HK1: variants seen among roughly 807,000 people sequenced by gnomAD.
The protein encoded by HK1 is hexokinase 1.
In HK1, 28 loss-of-function variants were observed where a neutral mutation model predicts 91.6. The observed-to-expected ratio is 0.31, with a 90% confidence interval of 0.23 to 0.42. The LOEUF is 0.42. Ranked by LOEUF, HK1 falls within the 10% of genes least tolerant of loss-of-function variation. The probability of loss-of-function intolerance (pLI) is 1.00; values close to 1 mark genes in which losing one functional copy is unlikely to be tolerated. For missense variants in HK1, 770 were observed against 1,219.8 expected (o/e 0.63, Z 5.49); for synonymous variants, 430 against 468.1 (o/e 0.92, Z 1.05).
At chr10:69,285,614 T>A (rs775539720) in intron 2 of HK1, among the ~76,000 whole-genome samples, 1 of 152,124 alleles carries the variant, frequency 6.6e-6, no homozygotes. Context: ...TGTGCCAGAT[T>A]TGGGGGAAGG....
chr10:69,353,908 C>T (rs1022438196), intron 2 of HK1, among the ~76,000 whole-genome samples: 2 of 152,168 alleles, frequency 1.3e-5, no homozygotes, highest in African/African-American at 4.8e-5. Flanking sequence ...TGTAGGAACC[C>T]CGATTTATAG....
At chr10:69,310,682 G>A (rs1051275392) in intron 5 of HK1, among the ~76,000 whole-genome samples, 2 of 152,186 alleles carry the variant, frequency 1.3e-5, no homozygotes, top group African/African-American at 4.8e-5. Flanking sequence ...AGGAGATCCT[G>A]AGAACATGTG....
intron 7 of HK1, among the ~76,000 whole-genome samples, chr10:69,372,090 AAG>A (rs369840624): frequency 3.2e-4 from 48 of 152,342 alleles, no homozygotes; most frequent in African/African-American, 1.1e-3. Context: ...GCAGCAGGCA[AAG>A]AGAAATTGTG....
chr10:69,360,963 C>A (rs1219235053), intron 3 of HK1, among the ~76,000 whole-genome samples: 1 of 152,214 alleles, frequency 6.6e-6, no homozygotes, highest in Non-Finnish European at 1.5e-5. Flanking sequence ...AGGGTGTGCT[C>A]ACCGCAAGGT....
At chr10:69,342,620 G>C (rs1375874131) in intron 1 of HK1, among the ~76,000 whole-genome samples, 1 of 152,166 alleles carries the variant, frequency 6.6e-6, no homozygotes, top group Non-Finnish European at 1.5e-5. Flanking sequence ...CAAGGCTTTG[G>C]GCAGAGGCAT....
chr10:69,399,922 C>T (rs770208491), intron 17 of HK1, among the ~76,000 whole-genome samples: 3 of 152,104 alleles, frequency 2.0e-5, no homozygotes, highest in Non-Finnish European at 2.9e-5. Flanking sequence ...ACCTCATGGC[C>T]GTGGCTTGGG....
At chr10:69,371,939 G>A (rs1304139690) in intron 7 of HK1, among the ~76,000 whole-genome samples, 2 of 152,152 alleles carry the variant, frequency 1.3e-5, no homozygotes, top group African/African-American at 4.8e-5. Context: ...TTTCTCAGTT[G>A]TATTAGTCTG....
chr10:69,363,281 C>T (rs958665406), intron 3 of HK1, among the ~76,000 whole-genome samples: 4 of 152,268 alleles, frequency 2.6e-5, no homozygotes, highest in East Asian at 1.9e-4. Context: ...TATATATATA[C>T]GCTCAGGTTG....
intron 1 of HK1, 118 bp downstream of exon 1, chr10:69,319,128 T>G: frequency 8.3e-7 from 1 of 1,205,688 alleles, no homozygotes; most frequent in Non-Finnish European, 1.2e-6. Flanking sequence ...CAGCATCGAG[T>G]TGGACTGCAG....
chr10:69,308,004 A>AT (rs1846181487), intron 5 of HK1, among the ~76,000 whole-genome samples: 1 of 151,814 alleles, frequency 6.6e-6, no homozygotes, highest in African/African-American at 2.4e-5. Context: ...CGCCCAGCTA[A>AT]TTTTTTGTAT....
exon 3 of HK1, chr10:69,288,736 TC>T: frequency 6.2e-7 from 1 of 1,613,738 alleles, no homozygotes. Flanking sequence ...GCAAGTGCCC[TC>T]CCCACAATGG....
Position 69,344,107 on chromosome 10 carries a change from T to C in HK1, c.226+118T>C. The C allele has an allele frequency of 1.6e-5, 17 of 1,034,268 alleles. No homozygotes were observed. In the South Asian group the frequency reaches 2.2e-4, roughly 14 times the overall value. 64.1% of individuals were successfully genotyped at this position (1,034,268 alleles called of 1,614,324 possible). Reference sequence around the variant, plus strand: ...TTCATTCACCATTCCATCAATCTGCTCTCCCATCCATCCATCCATCCATCC... The same window carrying C: ...TTCATTCACCATTCCATCAATCTGCCCTCCCATCCATCCATCCATCCATCC... On this transcript the variant is annotated intron_variant, in intron 2 of 17. Coordinates refer to ENST00000359426, the MANE Select transcript of HK1 (RefSeq NM_000188.3).
At chr10:69,336,993 G>T (rs1564522223) in intron 1 of HK1, among the ~76,000 whole-genome samples, 1 of 151,696 alleles carries the variant, frequency 6.6e-6, no homozygotes, top group Non-Finnish European at 1.5e-5. Flanking sequence ...AGGGGTACAT[G>T]ATTATGTCAC....
At chr10:69,363,863 C>T (rs777488744) in intron 3 of HK1, among the ~76,000 whole-genome samples, 4 of 152,240 alleles carry the variant, frequency 2.6e-5, no homozygotes, top group Admixed American at 6.5e-5. Context: ...TGTTATAGCA[C>T]AGGCAAGCTT....
At chr10:69,330,885 C>CTTTTTTTTT (rs1254023279) in intron 1 of HK1, among the ~76,000 whole-genome samples, 1 of 143,912 alleles carries the variant, frequency 6.9e-6, no homozygotes. Flanking sequence ...TTCTTTTTTT[C>CTTTTTTTTT]TTTTTTTTTT....
At chr10:69,292,923 T>G (rs1178134236) in intron 3 of HK1, among the ~76,000 whole-genome samples, 1 of 152,174 alleles carries the variant, frequency 6.6e-6, no homozygotes, top group East Asian at 1.9e-4. Flanking sequence ...CTAGCAGCCC[T>G]GAGATTGGTT....
In HK1 at chr10:69,380,527, C is replaced by A. The variant is rs915046410; in HGVS notation, c.1265+432C>A. 1.6e-4 allele frequency among the ~76,000 whole-genome samples: 25 copies of A among 152,334 alleles called. No homozygotes were observed. The highest frequency in any genetic ancestry group is 3.4e-3 in the Middle Eastern group (1 of 294). On this transcript the variant is annotated intron_variant, in intron 9 of 17. Transcript: ENST00000359426. The surrounding 1 kb of genome is among the most constrained non-coding windows in gnomAD (Gnocchi z 4.0). ...ATGTGTCTGTCTCTCGTCCGCATTTCATCAGGAGGACCTTGGGTCATAGGT... is the reference window on the plus strand; with the variant it reads ...ATGTGTCTGTCTCTCGTCCGCATTTAATCAGGAGGACCTTGGGTCATAGGT...
chr10:69,281,266 C>T (rs1844733796), intron 1 of HK1, among the ~76,000 whole-genome samples: 2 of 152,194 alleles, frequency 1.3e-5, no homozygotes, highest in Admixed American at 6.5e-5. Flanking sequence ...ATGTGCATTT[C>T]TAACAAGTTC....
chr10:69,319,126 A>G, intron 1 of HK1, 116 bp downstream of exon 1: 1 of 1,217,352 alleles, frequency 8.2e-7, no homozygotes, highest in Non-Finnish European at 1.2e-6. Flanking sequence ...GCCAGCATCG[A>G]GTTGGACTGC....
Sources: gnomAD v4.1 joint callset for allele counts (sites outside exome capture counted in the v4.1 genomes callset) on GRCh38, gnomAD v4.1.1 for gene constraint, Gnocchi (gnomAD v3.1) non-coding constraint, MANE v1.5 for transcripts, NCBI Gene and HGNC (gene_info 2026-07-23, HGNC 2026-07-21) for gene names.